LCA5L: variants seen among roughly 807,000 people sequenced by gnomAD.
The protein encoded by LCA5L is lebercilin-like protein.
LCA5L carries 35 observed loss-of-function variants against 45.4 expected under a neutral mutation model. The observed-to-expected ratio is 0.77, with a 90% CI of 0.59 to 1.02. The LOEUF is 1.02. LCA5L is among the 50% of genes least tolerant of loss of function. LCA5L has a pLI of 0.00. For synonymous variants in LCA5L, 233 were observed against 264.7 expected (o/e 0.88, Z 1.16); for missense variants, 668 against 761.6 (o/e 0.88, Z 1.45).
chr21:39,421,759 C>T (rs932815587), intron 6 of LCA5L: 2 of 152,072 alleles, frequency 1.3e-5, no homozygotes, highest in African/African-American at 2.4e-5. Flanking sequence ...CTAAAAATAC[C>T]ACTCCCTAAA....
chr21:39,428,596 ATATTTTTTTTTTTTTTT>A, intron 4 of LCA5L, 93 bp from the exon 5 acceptor site: 1 of 33,364 alleles, frequency 3.0e-5, no homozygotes, highest in Non-Finnish European at 6.1e-5. Context: ...ATATATATAT[ATATTTTTTTTTTTTTTT>A]TTTTTTTTTT....
Position 39,406,345 on chromosome 21 carries a change from G to T in LCA5L, c.1550C>A (p.Pro517His), listed in dbSNP as rs929144680. ...TGAGTAATGTCTTCTTTGTCTGAGG[G>T]GGCCTTTCGTGTAGGGAGCAGTGCC... ...GKGTAPYTKG[P>H]LRQRRHYSFT... is the part of the protein sequence containing the mutation. The change falls in exon 11 of 11, where the codon CCC becomes CAC. Residue 517 changes from proline (P) to histidine (H), a missense_variant. Physicochemically the swap from Pro to His is moderately conservative, Grantham distance 77. Transcript: ENST00000288350. 1.6e-5 allele frequency: 26 copies of T among 1,614,088 alleles called. No individual in the cohort carries two copies. The highest frequency in any genetic ancestry group is 2.2e-5 in the Non-Finnish European group (26 of 1,179,988).
chr21:39,432,385 G>A (rs965388297), intron 3 of LCA5L, among the ~76,000 whole-genome samples: 6 of 152,048 alleles, frequency 3.9e-5, no homozygotes, highest in Non-Finnish European at 5.9e-5. Flanking sequence ...TACCTGATTC[G>A]CTAACATTTT....
intron 5 of LCA5L, 87 bp downstream of exon 5, chr21:39,428,085 G>A: frequency 5.4e-6 from 4 of 736,646 alleles, no homozygotes; most frequent in East Asian, 2.5e-5. Context: ...CAATAAAACT[G>A]AGTATGAACC....
At position 39,410,269 on chromosome 21, in the gene LCA5L, T is replaced by C. The variant is rs756574527; in HGVS notation, c.1159A>G (p.Thr387Ala). The change falls in exon 9 of 11, where the codon ACT becomes GCT. Residue 387 changes from threonine (T) to alanine (A), a missense_variant. Thr to Ala is a moderately conservative substitution (Grantham distance 58). Transcript: ENST00000288350. ...AGATTCCAAATTTGCTGTACCTTAG[T>C]TGTCAAAGGTGGAACATCTGATTTT... ...TQKSDVPPLTTKGKKATGNID... is the reference protein window; with the variant it reads ...TQKSDVPPLTAKGKKATGNID... 4 of 1,592,108 alleles carry C rather than the reference T, an allele frequency of 2.5e-6. No homozygotes were observed. Among genetic ancestry groups the C allele is most frequent in the Non-Finnish European group, 3.4e-6 (4 of 1,165,474 alleles).
At chr21:39,416,831 T>TA (rs2041261316) in intron 7 of LCA5L, among the ~76,000 whole-genome samples, 1 of 152,196 alleles carries the variant, frequency 6.6e-6, no homozygotes, top group Non-Finnish European at 1.5e-5. Flanking sequence ...GTTATTTGTG[T>TA]CCTTACAGTG....
chr21:39,443,359 G>C (rs540886047), intron 2 of LCA5L: 1 of 152,410 alleles, frequency 6.6e-6, no homozygotes, highest in South Asian at 2.1e-4. Flanking sequence ...CAGCTGAGAT[G>C]GAACAGGTGA....
chr21:39,429,349 G>A (rs998269353), intron 3 of LCA5L, 138 bp from the exon 4 acceptor site: 1 of 152,070 alleles, frequency 6.6e-6, no homozygotes, highest in African/African-American at 2.4e-5. Flanking sequence ...TAATTCTCCA[G>A]CCTTCTCTTC....
rs571952011 is a variant in LCA5L, at chr21:39,409,168, C to T, written c.1282+811G>A. On this transcript the variant is annotated intron_variant, in intron 10 of 10. Coordinates refer to ENST00000288350, the MANE Select transcript of LCA5L (RefSeq NM_152505.4). The surrounding 1 kb of genome is among the most constrained non-coding windows in gnomAD (Gnocchi z 4.2). Reference sequence around the variant, plus strand: ...AACACTGGAGCACTGGTGCTCTCTCCCCGACTCTCCTCGTGCGAGCACTAA... The same window carrying T: ...AACACTGGAGCACTGGTGCTCTCTCTCCGACTCTCCTCGTGCGAGCACTAA... 6.6e-6 allele frequency among the ~76,000 whole-genome samples: 1 copy of T among 152,176 alleles called. No homozygotes were observed. The highest frequency in any genetic ancestry group is 2.1e-4 in the South Asian group (1 of 4,806).
chr21:39,430,568 C>T (rs1450353289), intron 3 of LCA5L, among the ~76,000 whole-genome samples: 1 of 152,146 alleles, frequency 6.6e-6, no homozygotes, highest in East Asian at 1.9e-4. Context: ...CCACCAATCC[C>T]ATAGGGTTGA....
At chr21:39,429,999 G>A (rs368583114) in intron 3 of LCA5L, among the ~76,000 whole-genome samples, 83 of 151,898 alleles carry the variant, frequency 5.5e-4, no homozygotes, top group African/African-American at 2.0e-3. Context: ...TGGGTGACAG[G>A]GCCAACTCTG....
intron 7 of LCA5L, among the ~76,000 whole-genome samples, chr21:39,417,932 A>AT (rs2041557893): frequency 6.6e-6 from 1 of 151,970 alleles, no homozygotes; most frequent in African/African-American, 2.4e-5. Context: ...TGCCTGGTTA[A>AT]TTTTTTGTAT....
At chr21:39,420,250 G>A (rs1175894216) in intron 7 of LCA5L, among the ~76,000 whole-genome samples, 2 of 151,984 alleles carry the variant, frequency 1.3e-5, no homozygotes, top group African/African-American at 4.8e-5. Context: ...GGCCAGGTGC[G>A]GTGGCTCACA....
chr21:39,439,301 C>T (rs1169643507), intron 2 of LCA5L, among the ~76,000 whole-genome samples: 1 of 152,202 alleles, frequency 6.6e-6, no homozygotes, highest in Non-Finnish European at 1.5e-5. Flanking sequence ...TAGAAGGAAT[C>T]AGTCCTGCTG....
At chr21:39,443,677 TTGGTTAATTGGGGTTTTACCTGA>T (rs2077094676) in intron 2 of LCA5L, 1 of 152,150 alleles carries the variant, frequency 6.6e-6, no homozygotes, top group Admixed American at 6.6e-5. Context: ...CTCTGTTACT[TTGGTTAATTGGGGTTTTACCTGA>T]TGGCAAAAGA....
At position 39,423,426 on chromosome 21, in the gene LCA5L, G is replaced by T; in HGVS notation, c.387C>A (p.Ile129=). 1 of 1,598,236 alleles carries T rather than the reference G, an allele frequency of 6.3e-7. No individual in the cohort carries two copies. ...TWNASLFNSQ[I]HMIAQRRDAM... is the part of the protein sequence containing the mutation. Reference sequence around the variant, plus strand: ...CATCTCTTCTTTGGGCAATCATATGGATTTGAGAATTAAAGAGTGATGCAT... The same window carrying T: ...CATCTCTTCTTTGGGCAATCATATGTATTTGAGAATTAAAGAGTGATGCAT... The change falls in exon 6 of 11, where the codon ATC becomes ATA. Residue 129 remains isoleucine (I), a synonymous_variant. Coordinates refer to ENST00000288350, the MANE Select transcript of LCA5L (RefSeq NM_152505.4).
intron 8 of LCA5L, chr21:39,410,771 CT>C: frequency 2.1e-6 from 1 of 466,042 alleles, no homozygotes; most frequent in Non-Finnish European, 4.4e-6. Flanking sequence ...CTAGACTGCA[CT>C]TTCCTGAAAA....
In LCA5L at chr21:39,409,017, A is replaced by AT. The variant is rs146469562; in HGVS notation, c.1282+961dup. 2.6e-5 allele frequency among the ~76,000 whole-genome samples: 4 copies of AT among 152,274 alleles called. No homozygotes were observed. The highest frequency in any genetic ancestry group is 5.9e-5 in the Non-Finnish European group (4 of 68,020). ...TTTGTATTCCTTCCTCCCAAATTTC[A>AT]TATGTTGAAGCCGTAACCCCCAGTA... On this transcript the variant is annotated intron_variant, in intron 10 of 10. Transcript: ENST00000288350. The surrounding 1 kb of genome is among the most constrained non-coding windows in gnomAD (Gnocchi z 4.2).
intron 1 of LCA5L, among the ~76,000 whole-genome samples, chr21:39,445,169 G>A (rs1410154583): frequency 6.6e-6 from 1 of 151,798 alleles, no homozygotes; most frequent in Non-Finnish European, 1.5e-5. Flanking sequence ...GCTGAGGGGA[G>A]GGTGTGGATA....
Sources: gnomAD v4.1 joint callset for allele counts (sites outside exome capture counted in the v4.1 genomes callset) on GRCh38, gnomAD v4.1.1 for gene constraint, Gnocchi (gnomAD v3.1) non-coding constraint, MANE v1.5 for transcripts, NCBI Gene and HGNC (gene_info 2026-07-23, HGNC 2026-07-21) for gene names.